Variants in PAPLN observed in about 807,000 individuals in gnomAD.
PAPLN encodes the protein papilin.
A neutral mutation model predicts 159.0 loss-of-function variants in PAPLN; 146 were observed. That is an observed-to-expected ratio of 0.92 (90% CI 0.80 to 1.05). The LOEUF (loss-of-function observed/expected upper bound fraction) is 1.05, where lower values mean the gene tolerates loss of function less well. PAPLN is among the 50% of genes least tolerant of loss of function. PAPLN has a pLI of 0.00. For synonymous variants in PAPLN, 734 were observed against 702.9 expected, an observed-to-expected ratio of 1.04 and a Z score of -0.70; for missense variants, 1,720 against 1,743.9, an observed-to-expected ratio of 0.99 and a Z score of 0.24.
Position 73,247,673 on chromosome 14 carries a change from T to C in PAPLN, c.334+1498T>C, listed in dbSNP as rs570969465. On this transcript the variant is annotated intron_variant, in intron 5 of 26. Transcript: ENST00000644200. ...TCCTGTGTGTGTGTGCGTGTGTGTG[T>C]GTGTGTGTTGTGGGGATCGTGGCTG... is the stretch of plus-strand genomic sequence containing the variant. Among the ~76,000 whole-genome samples, 3 of 149,578 alleles carry C rather than the reference T, an allele frequency of 2.0e-5. No homozygotes were observed. The East Asian group carries it at 5.9e-4, about 29-fold the overall frequency.
In PAPLN at chr14:73,272,477, T is replaced by C. The variant is rs1211019955; in HGVS notation, c.3668-18T>C. ...CAGAGCTTCCTCACCACCTTCTCTC[T>C]CCCCTGTCGTTCTGCAGCACCCACC... On this transcript the variant is annotated intron_variant, in intron 26 of 26. Transcript: ENST00000644200. 8 of 1,496,420 alleles carry C rather than the reference T, an allele frequency of 5.3e-6. No homozygotes were observed. Among genetic ancestry groups the C allele is most frequent in the South Asian group, 1.3e-5 (1 of 74,882 alleles). The allele number at this position is 1,496,420 out of a possible 1,614,324, so 92.7% of individuals were successfully genotyped here. A position where few individuals can be genotyped will look rare whatever the true frequency, so the allele number is the denominator to read the frequency against.
intron 5 of PAPLN, among the ~76,000 whole-genome samples, chr14:73,248,104 TGTGC>T (rs1204360390): frequency 2.9e-5 from 3 of 103,482 alleles, no homozygotes; most frequent in African/African-American, 1.2e-4. Flanking sequence ...TGTGTGTGTG[TGTGC>T]GCGTGTGTGT....
Position 73,245,554 on chromosome 14 carries a change from A to T in PAPLN, c.171-82A>T. On this transcript the variant is annotated intron_variant, in intron 3 of 26. Coordinates refer to ENST00000644200, the MANE Select transcript of PAPLN (RefSeq NM_001365906.3). The surrounding 1 kb of genome is among the most constrained non-coding windows in gnomAD (Gnocchi z 4.2). ...TGCTCCCACTGGAGAGTCCCGCAGA[A>T]GTTGGGGCCTGCAGAGAGCCCCAGA... The T allele has an allele frequency of 1.4e-6, 2 of 1,447,910 alleles. No individual in the cohort carries two copies. The highest frequency in any genetic ancestry group is 2.5e-5 in the South Asian group (2 of 81,284). The allele number at this position is 1,447,910 out of a possible 1,614,324, so 89.7% of individuals were successfully genotyped here.
At chr14:73,270,778 AG>A (rs1463034981) in intron 26 of PAPLN, among the ~76,000 whole-genome samples, 1 of 152,190 alleles carries the variant, frequency 6.6e-6, no homozygotes, top group Non-Finnish European at 1.5e-5. Flanking sequence ...TGTGTGTCCC[AG>A]ATGGGACAGA....
intron 25 of PAPLN, among the ~76,000 whole-genome samples, chr14:73,268,040 G>A (rs545809084): frequency 2.0e-5 from 3 of 151,940 alleles, no homozygotes; most frequent in African/African-American, 4.8e-5. Context: ...TAACTCCACT[G>A]GACACCTTGC....
In PAPLN at chr14:73,257,753, C is replaced by CTTTTTTTTTTTTTT. The variant is rs562890068; in HGVS notation, c.1628-1211_1628-1198dup. Among the ~76,000 whole-genome samples, 68 of 91,252 alleles carry CTTTTTTTTTTTTTT rather than the reference C, an allele frequency of 7.5e-4. 6 individuals carry two copies. Among genetic ancestry groups the CTTTTTTTTTTTTTT allele is most frequent in the East Asian group, 7.3e-3 (15 of 2,052 alleles). 59.9% of individuals were successfully genotyped at this position (91,252 alleles called of 152,430 possible). ...GTTTTCATTATCTAGTCTCTTTCTT[C>CTTTTTTTTTTTTTT]TTTTTTTTTTTTTTTTTTTTTTTTT... On this transcript the variant is annotated intron_variant, in intron 14 of 26. Coordinates refer to ENST00000644200, the MANE Select transcript of PAPLN (RefSeq NM_001365906.3).
intron 14 of PAPLN, among the ~76,000 whole-genome samples, chr14:73,257,293 C>T (rs1203958362): frequency 2.6e-5 from 4 of 152,086 alleles, no homozygotes; most frequent in African/African-American, 9.7e-5. Context: ...TTCTTTATAA[C>T]TTTCTTCCAT....
At chr14:73,255,157 C>A (rs1204855267) in intron 14 of PAPLN, 139 bp downstream of exon 14, 2 of 1,258,350 alleles carry the variant, frequency 1.6e-6, no homozygotes, top group South Asian at 1.5e-5. Context: ...ATGTCTCCCC[C>A]CGCTGAACCC....
intron 14 of PAPLN, 51 bp from the exon 15 acceptor site, chr14:73,258,928 A>G (rs775719354): frequency 2.0e-6 from 3 of 1,531,476 alleles, no homozygotes; most frequent in East Asian, 2.4e-5. Flanking sequence ...GCTCAGGTCC[A>G]TCCTCTCTTC....
chr14:73,250,406 C>A (rs967550573), intron 6 of PAPLN, among the ~76,000 whole-genome samples: 25 of 152,290 alleles, frequency 1.6e-4, no homozygotes, highest in African/African-American at 6.0e-4. Flanking sequence ...CAGCCGCAGG[C>A]GCATGAATGA....
intron 20 of PAPLN, 157 bp from the exon 21 acceptor site, chr14:73,264,054 A>G: frequency 6.5e-7 from 1 of 1,534,288 alleles, no homozygotes. Flanking sequence ...GGTGTGTGTG[A>G]CAGCCTCCCC....
At chr14:73,248,372 A>G (rs2140220833) in intron 5 of PAPLN, among the ~76,000 whole-genome samples, 2 of 152,258 alleles carry the variant, frequency 1.3e-5, no homozygotes, top group South Asian at 4.1e-4. Context: ...TAATTTGATT[A>G]TAGTCACATG....
chr14:73,248,111 G>A (rs1157918491), intron 5 of PAPLN, among the ~76,000 whole-genome samples: 2 of 125,104 alleles, frequency 1.6e-5, no homozygotes, highest in South Asian at 2.8e-4. Flanking sequence ...GTGTGTGCGC[G>A]TGTGTGTGTT....
Position 73,263,796 on chromosome 14 carries a change from C to CT in PAPLN, c.2861+14_2861+15insT. ...CTCCTCTGACAGGTGGGTGAGAGTC[C>CT]CCCCACCTCCTCTGACAGGTGTGAC... On this transcript the variant is annotated intron_variant, in intron 20 of 26. Transcript: ENST00000644200. 1 of 1,595,358 alleles carries CT rather than the reference C, an allele frequency of 6.3e-7. No individual in the cohort carries two copies. The highest frequency in any genetic ancestry group is 8.5e-7 in the Non-Finnish European group (1 of 1,177,388).
rs1286577495 is a variant in PAPLN, at chr14:73,266,825, G to T, written c.3494G>T (p.Trp1165Leu). ...VVAGESVNIR[W>L]SRNGLPVQAD... is the part of the protein sequence containing the mutation. Reference sequence around the variant, plus strand: ...GCAGGAGAAAGTGTGAACATCAGGTGGTCCAGGTAAAGGCTCTATTCCAAG... The same window carrying T: ...GCAGGAGAAAGTGTGAACATCAGGTTGTCCAGGTAAAGGCTCTATTCCAAG... Residue 1165 changes from tryptophan (W) to leucine (L), a missense_variant, in exon 25 of 27, where the codon TGG (tryptophan) becomes TTG (leucine). By Grantham distance (61) the Trp-to-Leu change is moderately conservative. Transcript: ENST00000644200. 6.2e-7 allele frequency: 1 copy of T among 1,610,592 alleles called. No homozygotes were observed. The highest frequency in any genetic ancestry group is 8.5e-7 in the Non-Finnish European group (1 of 1,178,394).
intron 6 of PAPLN, among the ~76,000 whole-genome samples, chr14:73,250,504 C>T (rs1462345420): frequency 6.6e-6 from 1 of 152,154 alleles, no homozygotes. Flanking sequence ...GCCAGCTGCT[C>T]CGACCTTCTG....
At chr14:73,256,031 G>C (rs755085346) in intron 14 of PAPLN, among the ~76,000 whole-genome samples, 6 of 152,216 alleles carry the variant, frequency 3.9e-5, no homozygotes, top group Non-Finnish European at 8.8e-5. Flanking sequence ...AGGGGTGGTG[G>C]TGAGGCCTTG....
rs1338177740 is a variant in PAPLN at position 73,259,438 on chromosome 14, G to A, written c.1878G>A (p.Gly626=). Reference sequence around the variant, plus strand: ...AGCAACCCCTGCGGTCGGGCTCAGGGCCCCACGACTGCAGACACAGTCCTC... The same window carrying A: ...AGCAACCCCTGCGGTCGGGCTCAGGACCCCACGACTGCAGACACAGTCCTC... ...PYQQPLRSGS[G]PHDCRHSPHG... is the part of the protein sequence containing the mutation. Residue 626 remains glycine, a synonymous_variant, in exon 16 of 27, where the codon GGG becomes GGA. Coordinates refer to ENST00000644200, the MANE Select transcript of PAPLN (RefSeq NM_001365906.3). 1 of 1,612,658 alleles carries A rather than the reference G, an allele frequency of 6.2e-7. No individual in the cohort carries two copies. The highest frequency in any genetic ancestry group is 8.5e-7 in the Non-Finnish European group (1 of 1,179,604).
At position 73,254,707 on chromosome 14, in the gene PAPLN, C is replaced by T. The variant is rs1885693247; in HGVS notation, c.1485+12C>T. The T allele has an allele frequency of 6.2e-7, 1 of 1,611,086 alleles. No individual in the cohort carries two copies. The highest frequency in any genetic ancestry group is 1.1e-5 in the South Asian group (1 of 90,878). On this transcript the variant is annotated intron_variant, in intron 13 of 26. Coordinates refer to ENST00000644200, the MANE Select transcript of PAPLN (RefSeq NM_001365906.3). ...GCACCTGGGGTCTAGTGAGTGCTCT[C>T]CACCCCCACACCTGCTGCCTGACCC...
Sources: allele counts gnomAD v4.1 joint callset (sites outside exome capture counted in the v4.1 genomes callset), GRCh38; gene constraint gnomAD v4.1.1; non-coding constraint Gnocchi (gnomAD v3.1); transcripts MANE v1.5; gene names NCBI Gene and HGNC (gene_info 2026-07-23, HGNC 2026-07-21).